TAF1: variants seen among roughly 807,000 people sequenced by gnomAD.
TAF1 encodes the protein TATA-box binding protein associated factor 1.
Under a neutral mutation model 138.5 loss-of-function variants are expected in TAF1, and 2 were observed. That is an observed-to-expected ratio of 0.01 (90% CI 0.01 to 0.05). TAF1 has a LOEUF of 0.05. TAF1 is among the 10% of genes least tolerant of loss of function. The pLI, the probability that TAF1 is intolerant of heterozygous loss-of-function variation, is 1.00. For missense variants in TAF1, 709 were observed against 1,478.0 expected, an observed-to-expected ratio of 0.48 and a Z score of 8.53; for synonymous variants, 437 against 503.2, an observed-to-expected ratio of 0.87 and a Z score of 1.76.
Position 71,458,169 on chromosome X carries a change from C to CTT in TAF1, c.4939-71_4939-70dup. The CTT allele has an allele frequency of 4.4e-6, 5 of 1,143,894 alleles. 1 individual carries two copies. The South Asian group carries it at 1.0e-4, about 23-fold the overall frequency. 94.3% of individuals were successfully genotyped at this position (1,143,894 alleles called of 1,213,427 possible). A position where few individuals can be genotyped will look rare whatever the true frequency, so the allele number is the denominator to read the frequency against. On this transcript the variant is annotated intron_variant, in intron 34 of 37. Transcript: ENST00000423759. ...CATGATCTTTTTCTCCAGTAAATGC[C>CTT]TTAAAGGGGAGTTATCTGTATTTAT...
Position 71,398,536 on chromosome X carries a change from T to C in TAF1, c.3621-36T>C, listed in dbSNP as rs1450985313. ...CTTGGTTAAGGTTTGCTTATGGTCC[T>C]GTGATTTTTCTTCCTCTGCTGCTCA... On this transcript the variant is annotated intron_variant, in intron 23 of 37. Coordinates refer to ENST00000423759, the MANE Select transcript of TAF1 (RefSeq NM_004606.5). The C allele has an allele frequency of 5.8e-6, 7 of 1,199,731 alleles. No individual in the cohort carries two copies. The African/African-American group carries it at 1.2e-4, about 21-fold the overall frequency.
intron 32 of TAF1, among the ~76,000 whole-genome samples, chrX:71,428,965 G>C (rs927687391): frequency 9.0e-6 from 1 of 111,715 alleles, no homozygotes; most frequent in Non-Finnish European, 1.9e-5. Flanking sequence ...TATGTTTTCC[G>C]TGGTTTTTCC....
chrX:71,428,390 A>G (rs1018368452), intron 32 of TAF1, among the ~76,000 whole-genome samples: 1 of 111,776 alleles, frequency 8.9e-6, no homozygotes, highest in Non-Finnish European at 1.9e-5. Context: ...AGACTAAAAT[A>G]AATTGTTGAG....
intron 25 of TAF1, among the ~76,000 whole-genome samples, chrX:71,402,050 AT>A (rs1038512815): frequency 1.8e-5 from 2 of 112,146 alleles, no homozygotes; most frequent in African/African-American, 6.5e-5. Context: ...AGTGCCTGAC[AT>A]ATAGTAGATG....
chrX:71,410,154 A>G (rs771229298), intron 28 of TAF1, among the ~76,000 whole-genome samples: 20 of 110,112 alleles, frequency 1.8e-4, no homozygotes, highest in Non-Finnish European at 3.4e-4. Flanking sequence ...GCCTCCCAAA[A>G]TGCTAGGATT....
chrX:71,507,123 G>A (rs553816958), intron 13 of TAF1, among the ~76,000 whole-genome samples: 6 of 112,118 alleles, frequency 5.4e-5, no homozygotes, highest in South Asian at 7.4e-4. Flanking sequence ...ATGGGGTGAC[G>A]AAGCTGTTAT....
intron 37 of TAF1, 39 bp downstream of exon 37, chrX:71,460,842 T>C (rs766744776): frequency 4.5e-5 from 52 of 1,163,245 alleles, no homozygotes; most frequent in Admixed American, 2.8e-4. Context: ...GTGGCATCAG[T>C]GCCCAGCTAT....
At chrX:71,509,378 G>A (rs1400381236) in intron 13 of TAF1, among the ~76,000 whole-genome samples, 1 of 111,591 alleles carries the variant, frequency 9.0e-6, no homozygotes, top group African/African-American at 3.3e-5. Flanking sequence ...TGCTTAGATG[G>A]TAAAATTAGT....
At chrX:71,380,309 C>T (rs2033798414) in intron 8 of TAF1, among the ~76,000 whole-genome samples, 1 of 111,947 alleles carries the variant, frequency 8.9e-6, no homozygotes, top group South Asian at 3.7e-4. Flanking sequence ...CTGCCTCGGT[C>T]TCCCAAAGTG....
chrX:71,480,923 A>G (rs2039059341), intron 13 of TAF1, among the ~76,000 whole-genome samples: 1 of 112,296 alleles, frequency 8.9e-6, no homozygotes, highest in East Asian at 2.8e-4. Context: ...TAATCTAGGC[A>G]GGAGATGATG....
At chrX:71,486,828 T>G (rs1389712998) in intron 13 of TAF1, among the ~76,000 whole-genome samples, 1 of 111,316 alleles carries the variant, frequency 9.0e-6, no homozygotes, top group Non-Finnish European at 1.9e-5. Context: ...GGTAGTAATG[T>G]TTCCTCTTTC....
intron 22 of TAF1, among the ~76,000 whole-genome samples, chrX:71,395,482 G>GT (rs766117175): frequency 9.0e-6 from 1 of 111,286 alleles, no homozygotes; most frequent in African/African-American, 3.3e-5. Flanking sequence ...TCCAGCCTGG[G>GT]TGACAGGGTG....
chrX:71,425,264 T>C (rs1328824187), intron 32 of TAF1, among the ~76,000 whole-genome samples: 2 of 111,548 alleles, frequency 1.8e-5, no homozygotes, highest in African/African-American at 6.5e-5. Flanking sequence ...TGCTAGCTGC[T>C]TAATCTACTG....
rs190347347 is a variant in TAF1, at chrX:71,475,601, G to A, written c.1366+14798G>A. On this transcript the variant is annotated intron_variant and NMD_transcript_variant, in intron 13 of 14. Coordinates refer to the TAF1 transcript ENST00000373775. ...CTCCGTTTCAAAAAAAAAAAAAAAA[G>A]AAAAAGAAAAAGGATAAATCTAAAT... Among the ~76,000 whole-genome samples the A allele has an allele frequency of 4.4e-3, 413 of 92,868 alleles. 4 individuals carry two copies. The highest frequency in any genetic ancestry group is 0.019 in the African/African-American group (357 of 18,721). The allele number at this position is 92,868 out of a possible 115,157, so 80.6% of individuals were successfully genotyped here.
rs371657850 is a variant in TAF1, at chrX:71,397,344, C to G, written c.3498C>G (p.Leu1166=). The G allele has an allele frequency of 3.6e-5, 44 of 1,209,669 alleles. No individual in the cohort carries two copies. The African/African-American group carries it at 7.4e-4, about 20-fold the overall frequency. The change falls in exon 23 of 38, where the codon CTC becomes CTG. Residue 1166 remains leucine, a synonymous_variant. Transcript: ENST00000423759. ...SLNSSATGRC[L]KIYRTFRDEE... ...ACTCTTCTGCCACTGGACGCTGTCT[C>G]AAGATTTATCGCACGTTTCGAGATG...
intron 37 of TAF1, among the ~76,000 whole-genome samples, chrX:71,461,674 A>G (rs747541370): frequency 1.8e-5 from 2 of 112,212 alleles, no homozygotes; most frequent in East Asian, 2.8e-4. Flanking sequence ...ATAATATGCA[A>G]TAACATTGTA....
chrX:71,451,355 T>C (rs1442724755), intron 32 of TAF1, among the ~76,000 whole-genome samples: 2 of 112,227 alleles, frequency 1.8e-5, no homozygotes, highest in African/African-American at 6.5e-5. Flanking sequence ...AAGAAATAAA[T>C]GTAAAAGAGT....
At chrX:71,392,828 A>G in intron 19 of TAF1, 47 bp from the exon 20 acceptor site, 7 of 1,205,315 alleles carry the variant, frequency 5.8e-6, no homozygotes, top group Non-Finnish European at 6.7e-6. Context: ...GCCTACTTAA[A>G]AGGAATTCAG....
rs1163942727 is a variant in TAF1 at position 71,377,840 on chromosome X, T to C, written c.933+19T>C. ...TGATGAAGTAGGCAAAATAGAGACC[T>C]GAGATTAAGGCCTATGAGAGGAACA... On this transcript the variant is annotated intron_variant, in intron 6 of 37. Coordinates refer to ENST00000423759, the MANE Select transcript of TAF1 (RefSeq NM_004606.5). 8.5e-7 allele frequency: 1 copy of C among 1,177,784 alleles called. No homozygotes were observed. Among genetic ancestry groups the C allele is most frequent in the Non-Finnish European group, 1.1e-6 (1 of 878,025 alleles).
Sources: allele counts gnomAD v4.1 joint callset (sites outside exome capture counted in the v4.1 genomes callset), GRCh38; gene constraint gnomAD v4.1.1; transcripts MANE v1.5; gene names NCBI Gene and HGNC (gene_info 2026-07-23, HGNC 2026-07-21).